The following LGI2 variants were observed in gnomAD, a reference collection of about 807,000 sequenced individuals.
The protein encoded by LGI2 is leucine-rich repeat LGI family member 2.
A neutral mutation model predicts 52.0 loss-of-function variants in LGI2; 30 were observed. The ratio of observed to expected loss-of-function variants is 0.58; its 90% CI spans 0.43 to 0.78. The LOEUF (loss-of-function observed/expected upper bound fraction) is 0.78, where lower values mean the gene tolerates loss of function less well. Ranked by LOEUF, LGI2 falls within the 30% of genes least tolerant of loss-of-function variation. The pLI is 0.00. For missense variants in LGI2, 573 were observed against 692.5 expected (o/e 0.83, Z 1.94); for synonymous variants, 270 against 271.8 (o/e 0.99, Z 0.06).
chr4:25,027,929 T>C (rs1157197808), intron 2 of LGI2, among the ~76,000 whole-genome samples: 1 of 152,126 alleles, frequency 6.6e-6, no homozygotes, highest in Non-Finnish European at 1.5e-5. Flanking sequence ...TAGTTAGGAG[T>C]GTGGGCTTTT....
chr4:25,005,033 G>A (rs1483889683), intron 7 of LGI2, among the ~76,000 whole-genome samples: 2 of 152,174 alleles, frequency 1.3e-5, no homozygotes, highest in Non-Finnish European at 2.9e-5. Flanking sequence ...GAAATAGCCA[G>A]TCACAAAAAG....
rs1382124356 is a variant in LGI2 at position 25,003,268 on chromosome 4, A to C, written c.*183T>G. On this transcript the variant is annotated 3_prime_UTR_variant, in exon 8 of 8. Transcript: ENST00000382114. The stretch of plus-strand genomic sequence containing the variant: ...AAATGGTAGAATGGGCATGTCATGC[A>C]GTTAGCCAATAAATGCAATCCCTGA... The C allele has an allele frequency of 3.8e-6, 2 of 532,780 alleles. No homozygotes were observed. The highest frequency in any genetic ancestry group is 6.5e-6 in the Non-Finnish European group (2 of 306,776). The allele number at this position is 532,780 out of a possible 1,614,324, so 33.0% of individuals were successfully genotyped here.
intron 7 of LGI2, among the ~76,000 whole-genome samples, chr4:25,008,812 G>A (rs146017825): frequency 9.7e-4 from 147 of 152,220 alleles, no homozygotes; most frequent in African/African-American, 3.2e-3. Flanking sequence ...ATGTCATGCC[G>A]CCAAGCTGTG....
Position 25,003,224 on chromosome 4 carries a change from G to T in LGI2, c.*227C>A. 2.2e-6 allele frequency: 1 copy of T among 447,868 alleles called. No homozygotes were observed. Among genetic ancestry groups the T allele is most frequent in the Non-Finnish European group, 3.9e-6 (1 of 257,122 alleles). 27.7% of individuals were successfully genotyped at this position (447,868 alleles called of 1,614,324 possible). A position where few individuals can be genotyped will look rare whatever the true frequency, so the allele number is the denominator to read the frequency against. The stretch of plus-strand genomic sequence containing the variant: ...CTGTACTCTTTTCTCAGAAATTACA[G>T]GCTTTAAGATTTTTTTTTAAATGGT... On this transcript the variant is annotated 3_prime_UTR_variant, in exon 8 of 8. Transcript: ENST00000382114.
At chr4:25,022,244 G>C (rs1466131411) in intron 4 of LGI2, among the ~76,000 whole-genome samples, 1 of 152,208 alleles carries the variant, frequency 6.6e-6, no homozygotes, top group Admixed American at 6.5e-5. Context: ...GGAAGATGGA[G>C]AATGGCTTAA....
chr4:25,026,873 T>G lies in LGI2; in HGVS notation c.336A>C (p.Glu112Asp). 1 of 1,611,012 alleles carries G rather than the reference T, an allele frequency of 6.2e-7. No individual in the cohort carries two copies. Among genetic ancestry groups the G allele is most frequent in the South Asian group, 1.1e-5 (1 of 91,006 alleles). The part of the protein sequence containing the change: ...DDAFAGLFHL[E>D]YLFIEGNKIE... ...AGACAAAGCACAAAACTTACAGGTA[T>G]TCAAGATGAAAAAGTCCAGCAAAAG... is the stretch of plus-strand genomic sequence containing the variant. The change falls in exon 3 of 8, where the codon GAA becomes GAC. Residue 112 changes from glutamate (E) to aspartate (D), a missense_variant. By Grantham distance (45) the Glu-to-Asp change is conservative. Transcript: ENST00000382114.
intron 5 of LGI2, among the ~76,000 whole-genome samples, chr4:25,018,789 G>A (rs555317465): frequency 6.0e-4 from 92 of 152,126 alleles, no homozygotes; most frequent in African/African-American, 2.1e-3. Context: ...TTGAACCCAG[G>A]ACGCAGAGGT....
rs753521953 is a variant in LGI2 at position 25,028,514 on chromosome 4, G to T, written c.262C>A (p.Gln88Lys). Residue 88 changes from glutamine to lysine, a missense_variant, in exon 2 of 8, where the codon CAG becomes AAG. Coordinates refer to ENST00000382114, the MANE Select transcript of LGI2 (RefSeq NM_018176.4). ...GGAACTTCCCATACTCACAGCAGCT[G>T]CAGAGAAGGCAGATGGGAAAACATT... ...DRMFSHLPSL[Q>K]LLLLNSNSFT... 5 of 1,613,052 alleles carry T rather than the reference G, an allele frequency of 3.1e-6. No individual in the cohort carries two copies. In the Admixed American group the frequency reaches 5.0e-5, roughly 16 times the overall value.
chr4:25,021,077 TATG>T (rs993571454), intron 4 of LGI2, among the ~76,000 whole-genome samples: 16 of 150,088 alleles, frequency 1.1e-4, no homozygotes, highest in Non-Finnish European at 1.8e-4. Context: ...ACTGTATTGA[TATG>T]ATAAGTATAT....
intron 2 of LGI2, 43 bp downstream of exon 2, chr4:25,028,463 AC>A (rs746830807): frequency 1.3e-6 from 2 of 1,574,096 alleles, no homozygotes; most frequent in Non-Finnish European, 1.7e-6. Context: ...CAAGGATGGC[AC>A]CTCAGGGCCC....
chr4:25,018,655 A>G (rs1249216258), intron 5 of LGI2, among the ~76,000 whole-genome samples: 1 of 152,202 alleles, frequency 6.6e-6, no homozygotes, highest in African/African-American at 2.4e-5. Context: ...TGAGGTTAGG[A>G]GTTCGAGACT....
chr4:25,013,128 T>C (rs548858461), intron 6 of LGI2, among the ~76,000 whole-genome samples: 3 of 152,204 alleles, frequency 2.0e-5, no homozygotes, highest in East Asian at 1.9e-4. Flanking sequence ...CCCTCTGCTA[T>C]GGTCTTAGGG....
rs1298893223 is a variant in LGI2 at position 25,001,611 on chromosome 4, C to A, written c.*1840G>T. 2 of 152,090 alleles carry A rather than the reference C, an allele frequency of 1.3e-5. No homozygotes were observed. The highest frequency in any genetic ancestry group is 2.9e-5 in the Non-Finnish European group (2 of 68,010). 9.4% of individuals were successfully genotyped at this position (152,090 alleles called of 1,614,324 possible). On this transcript the variant is annotated 3_prime_UTR_variant, in exon 8 of 8. Transcript: ENST00000382114. ...TTTGCACTTAAAAATGAAAACAAAC[C>A]ACTTTTCTCCTGTTTGCTTGGTATT...
intron 3 of LGI2, 69 bp from the exon 4 acceptor site, chr4:25,024,960 A>T (rs1726096830): frequency 2.0e-6 from 2 of 1,003,732 alleles, no homozygotes; most frequent in Admixed American, 2.4e-5. Context: ...CTATGTTGGT[A>T]AGCTTTCAGA....
At chr4:24,993,242 G>C in the LGI2 span, among the ~76,000 whole-genome samples, 1 of 152,186 alleles carries the variant, frequency 6.6e-6, no homozygotes, top group Non-Finnish European at 1.5e-5. Context: ...GTGCAAACTT[G>C]AGGGAGTTGC....
At chr4:24,995,888 T>C (rs1291470345), downstream of LGI2, among the ~76,000 whole-genome samples, 1 of 152,206 alleles carries the variant, frequency 6.6e-6, no homozygotes, top group South Asian at 2.1e-4. Context: ...TTAGAGCTCC[T>C]TTCTCTCTAT....
chr4:25,018,744 C>T (rs1725852735), intron 5 of LGI2, among the ~76,000 whole-genome samples: 1 of 151,972 alleles, frequency 6.6e-6, no homozygotes, highest in South Asian at 2.1e-4. Flanking sequence ...CGCCTGTAGT[C>T]CCAGCTACTC....
downstream of LGI2, among the ~76,000 whole-genome samples, chr4:24,994,000 A>G (rs2109393868): frequency 6.6e-6 from 1 of 152,336 alleles, no homozygotes; most frequent in East Asian, 1.9e-4. Context: ...TTCTATGTTA[A>G]TGAAAGAAAT....
Position 25,004,348 on chromosome 4 carries a change from T to C in LGI2, c.821-80A>G. 1.6e-6 allele frequency: 2 copies of C among 1,243,414 alleles called. No homozygotes were observed. Among genetic ancestry groups the C allele is most frequent in the South Asian group, 2.9e-5 (2 of 69,344 alleles). The allele number at this position is 1,243,414 out of a possible 1,614,324, so 77.0% of individuals were successfully genotyped here. ...CTCCGCTTGTACTCTTATACACTGC[T>C]GGTGGGAGTGTGAAATGGCACAGCC... is the stretch of plus-strand genomic sequence containing the variant. On this transcript the variant is annotated intron_variant, in intron 7 of 7. Coordinates refer to ENST00000382114, the MANE Select transcript of LGI2 (RefSeq NM_018176.4). The surrounding 1 kb of genome is among the most constrained non-coding windows in gnomAD (Gnocchi z 4.6).
Sources: gnomAD v4.1 joint callset for allele counts (sites outside exome capture counted in the v4.1 genomes callset) on GRCh38, gnomAD v4.1.1 for gene constraint, Gnocchi (gnomAD v3.1) non-coding constraint, MANE v1.5 for transcripts, NCBI Gene and HGNC (gene_info 2026-07-23, HGNC 2026-07-21) for gene names.